Variants in PKM observed in about 807,000 individuals in gnomAD.
PKM encodes the protein pyruvate kinase M1/2, also known as pyruvate kinase PKM.
PKM carries 18 observed loss-of-function variants against 49.8 expected under a neutral mutation model. The observed-to-expected ratio is 0.36, with a 90% CI of 0.25 to 0.54. The LOEUF (loss-of-function observed/expected upper bound fraction) is 0.54. Among genes scored for constraint, PKM ranks in the 20% least tolerant of loss-of-function variants. The probability of loss-of-function intolerance (pLI) is 0.89; values close to 1 mark genes in which losing one functional copy is unlikely to be tolerated. For synonymous variants in PKM, 239 were observed against 261.8 expected (o/e 0.91, Z 0.84); for missense variants, 508 against 713.8 (o/e 0.71, Z 3.28).
Position 72,202,424 on chromosome 15 carries a change from G to T in PKM, c.1307+30C>A. ...CCAAGGTGAGGTACCACTGAGCAGGGCATTCCAGGGAGCCGCTGCCGCCTC... is the reference window on the plus strand; with the variant it reads ...CCAAGGTGAGGTACCACTGAGCAGGTCATTCCAGGGAGCCGCTGCCGCCTC... On this transcript the variant is annotated intron_variant, in intron 9 of 10. Coordinates refer to ENST00000335181, the MANE Select transcript of PKM (RefSeq NM_002654.6). The surrounding 1 kb of genome is among the most constrained non-coding windows in gnomAD (Gnocchi z 4.5). 1 of 1,602,790 alleles carries T rather than the reference G, an allele frequency of 6.2e-7. No individual in the cohort carries two copies. Among genetic ancestry groups the T allele is most frequent in the Non-Finnish European group, 8.5e-7 (1 of 1,174,418 alleles).
intron 8 of PKM, 43 bp downstream of exon 8, chr15:72,206,685 C>T: frequency 6.2e-7 from 1 of 1,605,224 alleles, no homozygotes; most frequent in Non-Finnish European, 8.5e-7. Flanking sequence ...CATCCCAGGC[C>T]CAGTCCGAAG....
At chr15:72,222,254 G>A (rs8192384) in intron 1 of PKM, among the ~76,000 whole-genome samples, 81 of 152,354 alleles carry the variant, frequency 5.3e-4, no homozygotes, top group African/African-American at 1.9e-3. Flanking sequence ...TTGTCAGCAA[G>A]TTCATCCAGA....
At chr15:72,230,898 G>A (rs1226644015) in intron 1 of PKM, 2 of 1,283,538 alleles carry the variant, frequency 1.6e-6, no homozygotes, top group South Asian at 1.2e-5. Context: ...CGGCGGACCC[G>A]CCTGATCTGG....
At position 72,200,391 on chromosome 15, in the gene PKM, C is replaced by T; in HGVS notation, c.1489+83G>A. ...GTCTGTGTGTTCCCCTTTCTATTCCCCAAACTTTCGGGGTCCCACAGAAGC... is the reference window on the plus strand; with the variant it reads ...GTCTGTGTGTTCCCCTTTCTATTCCTCAAACTTTCGGGGTCCCACAGAAGC... On this transcript the variant is annotated intron_variant, in intron 10 of 10. Transcript: ENST00000335181. The surrounding 1 kb of genome is among the most constrained non-coding windows in gnomAD (Gnocchi z 4.6). 7.4e-7 allele frequency: 1 copy of T among 1,358,178 alleles called. No homozygotes were observed. The highest frequency in any genetic ancestry group is 2.3e-5 in the East Asian group (1 of 43,144). The allele number at this position is 1,358,178 out of a possible 1,614,324, so 84.1% of individuals were successfully genotyped here.
chr15:72,206,490 A>G (rs2082081532), intron 8 of PKM: 4 of 566,036 alleles, frequency 7.1e-6, no homozygotes, highest in Non-Finnish European at 1.3e-5. Context: ...CCAATGAAGG[A>G]GGATGCCTCC....
At chr15:72,210,546 A>C in intron 3 of PKM, 68 bp from the exon 4 acceptor site, 1 of 1,587,420 alleles carries the variant, frequency 6.3e-7, no homozygotes, top group Non-Finnish European at 8.6e-7. Context: ...TCCCCTGCCC[A>C]GGAGCCAAAG....
At chr15:72,218,067 T>C (rs1265382248) in intron 2 of PKM, among the ~76,000 whole-genome samples, 1 of 152,198 alleles carries the variant, frequency 6.6e-6, no homozygotes, top group Non-Finnish European at 1.5e-5. Context: ...CTTCAAATAC[T>C]TAACATTTTT....
At chr15:72,215,968 G>A (rs2082367786) in intron 3 of PKM, among the ~76,000 whole-genome samples, 1 of 152,170 alleles carries the variant, frequency 6.6e-6, no homozygotes, top group Non-Finnish European at 1.5e-5. Flanking sequence ...TACATGGTAT[G>A]TCTGCTGGAC....
rs371552385 is a variant in PKM at position 72,218,910 on chromosome 15, G to A, written c.154+34C>T. The A allele has an allele frequency of 3.7e-6, 6 of 1,611,800 alleles. No homozygotes were observed. The African/African-American group carries it at 8.0e-5, about 22-fold the overall frequency. On this transcript the variant is annotated intron_variant, in intron 2 of 10. Coordinates refer to ENST00000335181, the MANE Select transcript of PKM (RefSeq NM_002654.6). Reference sequence around the variant, plus strand: ...GGAGAGAAAGGTCACTGCCCATGAAGCCCTTTTTTGGGGGAAGGGGCACAC... The same window carrying A: ...GGAGAGAAAGGTCACTGCCCATGAAACCCTTTTTTGGGGGAAGGGGCACAC...
At position 72,208,758 on chromosome 15, in the gene PKM, G is replaced by A. The variant is rs752259435; in HGVS notation, c.699C>T (p.Val233=). 1.6e-5 allele frequency: 26 copies of A among 1,613,926 alleles called. No individual in the cohort carries two copies. The highest frequency in any genetic ancestry group is 6.7e-5 in the African/African-American group (5 of 74,858). ...CAAACACCATATCAACATCCTGCTC[G>A]ACCCCAAACTTCAGATCCTGGATGT... ...EKDIQDLKFG[V]EQDVDMVFAS... The change falls in exon 6 of 11, where the codon GTC becomes GTT. Residue 233 remains valine (V), a synonymous_variant. Coordinates refer to ENST00000335181, the MANE Select transcript of PKM (RefSeq NM_002654.6).
At chr15:72,215,133 A>T (rs2082346604) in intron 3 of PKM, among the ~76,000 whole-genome samples, 1 of 152,156 alleles carries the variant, frequency 6.6e-6, no homozygotes, top group Admixed American at 6.5e-5. Flanking sequence ...CCTGGGAGGC[A>T]GAGGTTGTGG....
intron 2 of PKM, 125 bp downstream of exon 2, chr15:72,218,819 C>T: frequency 1.0e-6 from 1 of 964,892 alleles, no homozygotes; most frequent in Non-Finnish European, 1.6e-6. Flanking sequence ...TGAGTCCTTT[C>T]ATAAGAATCT....
intron 8 of PKM, among the ~76,000 whole-genome samples, chr15:72,206,041 C>T (rs557331521): frequency 1.2e-4 from 18 of 151,968 alleles, no homozygotes; most frequent in Non-Finnish European, 2.1e-4. Context: ...AGTCCAGGGC[C>T]GCCAGGGTCA....
At chr15:72,207,096 C>T (rs1567109312) in intron 7 of PKM, 31 bp downstream of exon 7, 8 of 1,612,364 alleles carry the variant, frequency 5.0e-6, no homozygotes, top group South Asian at 1.1e-5. Flanking sequence ...CGAGTGTGCA[C>T]ATGAGAATGT....
chr15:72,230,582 G>C (rs1390563588), intron 1 of PKM, among the ~76,000 whole-genome samples: 2 of 152,080 alleles, frequency 1.3e-5, no homozygotes, highest in Non-Finnish European at 1.5e-5. Flanking sequence ...CGGGAAGGGC[G>C]GTCGCGCATG....
Position 72,200,520 on chromosome 15 carries a change from G to A in PKM, c.1443C>T (p.Ala481=), listed in dbSNP as rs368869566. Residue 481 remains alanine, a synonymous_variant, in exon 10 of 11, where the codon GCC becomes GCT. Coordinates refer to ENST00000335181, the MANE Select transcript of PKM (RefSeq NM_002654.6). The surrounding 1 kb of genome is among the most constrained non-coding windows in gnomAD (Gnocchi z 4.6). ...PVLCKDPVQE[A]WAEDVDLRVN... ...CCCGGAGGTCCACGTCCTCAGCCCAGGCCTCCTGGACTGGGTCCTTGCACA... is the reference window on the plus strand; with the variant it reads ...CCCGGAGGTCCACGTCCTCAGCCCAAGCCTCCTGGACTGGGTCCTTGCACA... The A allele has an allele frequency of 2.9e-5, 46 of 1,613,810 alleles. No individual in the cohort carries two copies. The highest frequency in any genetic ancestry group is 3.6e-5 in the Non-Finnish European group (43 of 1,179,906).
chr15:72,231,160 T>A lies in PKM; in HGVS notation c.-58A>T, dbSNP rs895348773. The A allele has an allele frequency of 3.4e-6, 1 of 290,238 alleles. No individual in the cohort carries two copies. The highest frequency in any genetic ancestry group is 4.1e-5 in the Admixed American group (1 of 24,604). The allele number at this position is 290,238 out of a possible 1,614,324, so 18.0% of individuals were successfully genotyped here. A position where few individuals can be genotyped will look rare whatever the true frequency, so the allele number is the denominator to read the frequency against. Reference sequence around the variant, plus strand: ...GGGCTACGCTGCAAAGACGAAGAGATCCGGAGCCACGGCGCGTGCAGCTGC... The same window carrying A: ...GGGCTACGCTGCAAAGACGAAGAGAACCGGAGCCACGGCGCGTGCAGCTGC... On this transcript the variant is annotated 5_prime_UTR_variant, in exon 1 of 11. Coordinates refer to ENST00000335181, the MANE Select transcript of PKM (RefSeq NM_002654.6).
At chr15:72,209,110 G>C (rs1165920541) in intron 5 of PKM, 2 of 611,964 alleles carry the variant, frequency 3.3e-6, no homozygotes, top group Admixed American at 5.5e-5. Flanking sequence ...GGATAATTAA[G>C]ACTGTTCTGA....
At position 72,202,369 on chromosome 15, in the gene PKM, G is replaced by A. The variant is rs1269085238; in HGVS notation, c.1307+85C>T. The A allele has an allele frequency of 1.5e-6, 2 of 1,376,742 alleles. No individual in the cohort carries two copies. Among genetic ancestry groups the A allele is most frequent in the African/African-American group, 2.9e-5 (2 of 70,066 alleles). The allele number at this position is 1,376,742 out of a possible 1,614,324, so 85.3% of individuals were successfully genotyped here. ...CTTACCTTGGCTCAGTGCCACCTGA[G>A]CATTGTTCAATGGACTGCTCCCAGG... On this transcript the variant is annotated intron_variant, in intron 9 of 10. Transcript: ENST00000335181. This position sits in a 1 kb window ranked among gnomAD's most constrained non-coding sequence, Gnocchi z 4.5.
Sources: allele counts gnomAD v4.1 joint callset (sites outside exome capture counted in the v4.1 genomes callset), GRCh38; gene constraint gnomAD v4.1.1; non-coding constraint Gnocchi (gnomAD v3.1); transcripts MANE v1.5; gene names NCBI Gene and HGNC (gene_info 2026-07-23, HGNC 2026-07-21).